FAT3: variants seen among roughly 807,000 people sequenced by gnomAD.
FAT3 encodes the protein protocadherin Fat 3.
A neutral mutation model predicts 310.2 loss-of-function variants in FAT3; 95 were observed. That is an observed-to-expected ratio of 0.31 (90% confidence interval 0.26 to 0.36). The LOEUF (loss-of-function observed/expected upper bound fraction) is 0.36, where lower values mean the gene tolerates loss of function less well. Ranked by LOEUF, FAT3 falls within the 10% of genes least tolerant of loss-of-function variation. The pLI, the probability that FAT3 is intolerant of heterozygous loss-of-function variation, is 1.00. For synonymous variants in FAT3, 2,314 were observed against 2,192.9 expected (o/e 1.06, Z -1.54); for missense variants, 5,408 against 5,715.6 (o/e 0.95, Z 1.74).
At chr11:92,286,975 G>C (rs537469281) in intron 1 of FAT3, among the ~76,000 whole-genome samples, 3 of 152,292 alleles carry the variant, frequency 2.0e-5, no homozygotes, top group African/African-American at 7.2e-5. Context: ...GCAAACCTTG[G>C]ATTTTGGTCC....
chr11:92,883,101 T>C lies in FAT3; in HGVS notation c.12645T>C (p.Ser4215=), dbSNP rs1316137640. The C allele has an allele frequency of 6.2e-7, 1 of 1,613,764 alleles. No homozygotes were observed. ...TCCCGTTCCGGAACCTGCGCGGCAG[T>C]GGGGACGGCCGCAACGTCTACCAGG... is the stretch of plus-strand genomic sequence containing the variant. ...NGIPFRNLRG[S]GDGRNVYQEV... The change falls in exon 24 of 28, where the codon AGT becomes AGC. Residue 4215 remains serine, a synonymous_variant. Transcript: ENST00000525166. This position sits in a 1 kb window ranked among gnomAD's most constrained non-coding sequence, Gnocchi z 4.2.
At chr11:92,508,177 A>C (rs1953177590) in intron 2 of FAT3, among the ~76,000 whole-genome samples, 1 of 152,106 alleles carries the variant, frequency 6.6e-6, no homozygotes, top group African/African-American at 2.4e-5. Context: ...ATTACCTAGA[A>C]TGTGTTTTCC....
At chr11:92,714,911 G>T (rs567425741) in intron 4 of FAT3, among the ~76,000 whole-genome samples, 118 of 152,034 alleles carry the variant, frequency 7.8e-4, no homozygotes, top group South Asian at 4.8e-3. Context: ...CCCTGGTCTC[G>T]GTTATTTTAT....
intron 1 of FAT3, among the ~76,000 whole-genome samples, chr11:92,293,535 TATATATATATATATATAA>T (rs1189624644): frequency 0.014 from 1,164 of 80,484 alleles, 35 homozygotes; most frequent in African/African-American, 0.038. Flanking sequence ...TATATATATA[TATATATATATATATATAA>T]ATAAAATATA....
intron 1 of FAT3, among the ~76,000 whole-genome samples, chr11:92,325,108 G>A (rs1170945206): frequency 6.6e-6 from 1 of 152,188 alleles, no homozygotes; most frequent in Admixed American, 6.5e-5. Flanking sequence ...TTTGACAGGT[G>A]GAGCAGGTGA....
chr11:92,457,975 G>A (rs1447266849), intron 2 of FAT3, among the ~76,000 whole-genome samples: 1 of 152,084 alleles, frequency 6.6e-6, no homozygotes, highest in Non-Finnish European at 1.5e-5. Context: ...TTGGACCACT[G>A]TGTCAGAATT....
intron 24 of FAT3, among the ~76,000 whole-genome samples, chr11:92,885,938 A>G (rs758623348): frequency 2.0e-5 from 3 of 152,220 alleles, no homozygotes; most frequent in Admixed American, 1.3e-4. Context: ...CAGCAGATGC[A>G]GAGCCACCAT....
At chr11:92,289,352 T>A (rs1012388971) in intron 1 of FAT3, among the ~76,000 whole-genome samples, 1 of 152,068 alleles carries the variant, frequency 6.6e-6, no homozygotes, top group Non-Finnish European at 1.5e-5. Context: ...GCATCCTGAA[T>A]AGGATCTTTA....
intron 1 of FAT3, among the ~76,000 whole-genome samples, chr11:92,327,977 T>C (rs1947810525): frequency 6.6e-6 from 1 of 152,206 alleles, no homozygotes; most frequent in South Asian, 2.1e-4. Context: ...TCTTTTTCTC[T>C]TTCCAACAAG....
intron 3 of FAT3, among the ~76,000 whole-genome samples, chr11:92,561,078 A>C (rs1955208450): frequency 6.6e-6 from 1 of 152,212 alleles, no homozygotes; most frequent in African/African-American, 2.4e-5. Flanking sequence ...GGCAGCACTT[A>C]TCTGTGGGAA....
At chr11:92,822,831 A>G (rs1396907261) in intron 13 of FAT3, among the ~76,000 whole-genome samples, 1 of 152,160 alleles carries the variant, frequency 6.6e-6, no homozygotes, top group Non-Finnish European at 1.5e-5. Context: ...AAACTTAGGG[A>G]TTTAACAATG....
chr11:92,813,266 T>C (rs1053578093), intron 13 of FAT3, among the ~76,000 whole-genome samples: 1 of 152,208 alleles, frequency 6.6e-6, no homozygotes, highest in African/African-American at 2.4e-5. Context: ...GGAAAGGTCT[T>C]ATTTTTAAGC....
intron 2 of FAT3, among the ~76,000 whole-genome samples, chr11:92,370,572 G>A (rs530968725): frequency 6.6e-6 from 1 of 152,264 alleles, no homozygotes; most frequent in East Asian, 1.9e-4. Flanking sequence ...AACTGAATTA[G>A]CCTTGAAATA....
At chr11:92,862,643 C>T (rs960381579) in intron 21 of FAT3, among the ~76,000 whole-genome samples, 17 of 152,038 alleles carry the variant, frequency 1.1e-4, no homozygotes, top group Admixed American at 9.8e-4. Context: ...CAGATCTTTC[C>T]AATATAGATC....
At chr11:92,499,723 ATGTG>A (rs61267708) in intron 2 of FAT3, among the ~76,000 whole-genome samples, 1,326 of 127,808 alleles carry the variant, frequency 0.01, 6 homozygotes, top group Middle Eastern at 0.023. Flanking sequence ...ATGTGTGTGT[ATGTG>A]TGTGTGTGTG....
At chr11:92,597,664 T>C (rs901257797) in intron 3 of FAT3, among the ~76,000 whole-genome samples, 1 of 152,208 alleles carries the variant, frequency 6.6e-6, no homozygotes, top group African/African-American at 2.4e-5. Context: ...TGGAACTGGC[T>C]TCTATTACAT....
chr11:92,842,805 G>A (rs1948584992), intron 18 of FAT3, among the ~76,000 whole-genome samples: 1 of 152,228 alleles, frequency 6.6e-6, no homozygotes, highest in African/African-American at 2.4e-5. Context: ...CTTGAGCTCA[G>A]GAGGTTGAGG....
intron 3 of FAT3, among the ~76,000 whole-genome samples, chr11:92,673,471 G>A (rs935995888): frequency 1.3e-5 from 2 of 152,136 alleles, no homozygotes; most frequent in Non-Finnish European, 2.9e-5. Context: ...GCAATAACAG[G>A]TGTTTTGATA....
At chr11:92,454,714 A>G (rs1199353834) in intron 2 of FAT3, among the ~76,000 whole-genome samples, 4 of 152,180 alleles carry the variant, frequency 2.6e-5, no homozygotes, top group East Asian at 1.9e-4. Flanking sequence ...ATTGAGACTT[A>G]TTAAATGGAA....
Sources: allele counts gnomAD v4.1 joint callset (sites outside exome capture counted in the v4.1 genomes callset), GRCh38; gene constraint gnomAD v4.1.1; non-coding constraint Gnocchi (gnomAD v3.1); transcripts MANE v1.5; gene names NCBI Gene and HGNC (gene_info 2026-07-23, HGNC 2026-07-21).